ITPR2: variants seen among roughly 807,000 people sequenced by gnomAD.
ITPR2 encodes the protein inositol 1,4,5-trisphosphate-gated calcium channel ITPR2.
ITPR2 carries 207 observed loss-of-function variants against 317.1 expected under a neutral mutation model. The observed-to-expected ratio is 0.65, with a 90% confidence interval of 0.58 to 0.73. ITPR2 has a LOEUF of 0.73. ITPR2 is among the 30% of genes least tolerant of loss of function. The probability of loss-of-function intolerance (pLI) is 0.00; values close to 1 mark genes in which losing one functional copy is unlikely to be tolerated. For synonymous variants in ITPR2, 1,156 were observed against 1,149.1 expected, an observed-to-expected ratio of 1.01 and a Z score of -0.12; for missense variants, 2,613 against 3,284.0, an observed-to-expected ratio of 0.80 and a Z score of 4.99.
At chr12:26,378,277 ATGCAAAGAGCCAGAGGACCATGAC>A (rs541657739) in intron 55 of ITPR2, among the ~76,000 whole-genome samples, 267 of 152,172 alleles carry the variant, frequency 1.8e-3, no homozygotes, top group African/African-American at 2.6e-3. Context: ...AGGCACAGAC[ATGCAAAGAGCCAGAGGACCATGAC>A]TGCAAAGAGC....
chr12:26,373,401 G>A (rs1157040518), intron 55 of ITPR2, among the ~76,000 whole-genome samples: 1 of 152,158 alleles, frequency 6.6e-6, no homozygotes, highest in East Asian at 1.9e-4. Flanking sequence ...GTTGCCAAGA[G>A]AGTCAAAAGA....
chr12:26,623,348 T>G (rs1946544011), intron 24 of ITPR2: 1 of 152,086 alleles, frequency 6.6e-6, no homozygotes, highest in Non-Finnish European at 1.5e-5. Context: ...CATTAGTCAC[T>G]TAGTAGCCGT....
rs868280640 is a variant in ITPR2 at position 26,344,771 on chromosome 12, G to A, written c.7858-4443C>T. ...GTAAGCAAAATCCAGCACAATTCTC[G>A]TGCTTATGGAACATATAGTTCATAG... On this transcript the variant is annotated intron_variant, in intron 55 of 56. Coordinates refer to ENST00000381340, the MANE Select transcript of ITPR2 (RefSeq NM_002223.4). 2.0e-5 allele frequency among the ~76,000 whole-genome samples: 3 copies of A among 152,176 alleles called. No homozygotes were observed. In the South Asian group the frequency reaches 6.2e-4, roughly 31 times the overall value.
chr12:26,721,335 C>A, intron 5 of ITPR2: 1 of 616,232 alleles, frequency 1.6e-6, no homozygotes, highest in South Asian at 2.0e-5. Context: ...AATCCAGAAG[C>A]TTGCATCCTG....
intron 51 of ITPR2, among the ~76,000 whole-genome samples, chr12:26,412,847 G>T (rs1160015151): frequency 6.6e-6 from 1 of 152,148 alleles, no homozygotes; most frequent in Non-Finnish European, 1.5e-5. Flanking sequence ...AGAGCTACCA[G>T]CCACTACTTT....
At chr12:26,670,932 T>G (rs980078599) in intron 13 of ITPR2, among the ~76,000 whole-genome samples, 1 of 151,990 alleles carries the variant, frequency 6.6e-6, no homozygotes, top group Non-Finnish European at 1.5e-5. Flanking sequence ...TGCGATCAAC[T>G]GGAAGAAAGG....
At chr12:26,365,404 A>G (rs1044170277) in intron 55 of ITPR2, among the ~76,000 whole-genome samples, 6 of 151,998 alleles carry the variant, frequency 3.9e-5, no homozygotes, top group Non-Finnish European at 8.8e-5. Context: ...CTGAAACTGT[A>G]TTTTTTTCTC....
At chr12:26,589,853 T>TACACACACAC (rs56044866) in intron 32 of ITPR2, among the ~76,000 whole-genome samples, 34 of 57,306 alleles carry the variant, frequency 5.9e-4, no homozygotes, top group African/African-American at 1.5e-3. Flanking sequence ...TATATATATA[T>TACACACACAC]ACACACACAC....
intron 21 of ITPR2, among the ~76,000 whole-genome samples, chr12:26,644,800 C>T (rs1398951845): frequency 6.6e-6 from 1 of 152,162 alleles, no homozygotes; most frequent in Non-Finnish European, 1.5e-5. Context: ...ACCATATCAA[C>T]CATGATCTTG....
chr12:26,354,750 C>T (rs139696836), intron 55 of ITPR2, among the ~76,000 whole-genome samples: 15 of 152,208 alleles, frequency 9.9e-5, no homozygotes, highest in African/African-American at 3.1e-4. Context: ...CTCACTGCAA[C>T]CTCTGCCTCC....
chr12:26,815,749 G>A (rs1299384831), intron 1 of ITPR2, among the ~76,000 whole-genome samples: 2 of 152,028 alleles, frequency 1.3e-5, no homozygotes, highest in African/African-American at 2.4e-5. Flanking sequence ...ATAAATAATA[G>A]ATAAGGCAAT....
intron 34 of ITPR2, among the ~76,000 whole-genome samples, chr12:26,572,947 G>A (rs770391343): frequency 9.2e-5 from 14 of 151,576 alleles, no homozygotes; most frequent in Non-Finnish European, 5.9e-5. Context: ...AGGACTTTTG[G>A]GGCAACATGA....
intron 1 of ITPR2, among the ~76,000 whole-genome samples, chr12:26,793,356 T>A (rs1353290114): frequency 1.3e-5 from 2 of 152,032 alleles, no homozygotes; most frequent in African/African-American, 4.8e-5. Context: ...ATTTGGGGAG[T>A]TAAAAATAAT....
At position 26,599,316 on chromosome 12, in the gene ITPR2, G is replaced by T. The variant is rs1945935313; in HGVS notation, c.3831C>A (p.Ile1277=). 6.2e-7 allele frequency: 1 copy of T among 1,614,086 alleles called. No individual in the cohort carries two copies. The highest frequency in any genetic ancestry group is 8.5e-7 in the Non-Finnish European group (1 of 1,179,918). Residue 1277 remains isoleucine (I), a synonymous_variant, in exon 30 of 57, where the codon ATC becomes ATA. Coordinates refer to ENST00000381340, the MANE Select transcript of ITPR2 (RefSeq NM_002223.4). Reference sequence around the variant, plus strand: ...TGCACAGATGGTAATTGTTCATGAAGATGTGCCGCATGGTTTCTGCTTCAA... The same window carrying T: ...TGCACAGATGGTAATTGTTCATGAATATGTGCCGCATGGTTTCTGCTTCAA... The part of the protein sequence containing the change: ...GLLEAETMRH[I]FMNNYHLCNE...
intron 34 of ITPR2, among the ~76,000 whole-genome samples, chr12:26,577,297 T>A (rs1258119929): frequency 6.6e-6 from 1 of 152,160 alleles, no homozygotes; most frequent in Non-Finnish European, 1.5e-5. Context: ...CCAAGGGGGA[T>A]CCCAGCTCAT....
At chr12:26,488,946 C>T (rs913282729) in intron 39 of ITPR2, among the ~76,000 whole-genome samples, 12 of 151,976 alleles carry the variant, frequency 7.9e-5, no homozygotes, top group African/African-American at 2.7e-4. Context: ...GAGTGACTTG[C>T]CCAACATTAT....
chr12:26,775,933 C>CATATATATATATATATATATAT lies in ITPR2; in HGVS notation c.163+14223_163+14224insATATATATATATATATATATAT. Among the ~76,000 whole-genome samples, 86 of 85,444 alleles carry CATATATATATATATATATATAT rather than the reference C, an allele frequency of 1.0e-3. 6 individuals carry two copies. The highest frequency in any genetic ancestry group is 1.7e-3 in the African/African-American group (55 of 32,148). 56.1% of individuals were successfully genotyped at this position (85,444 alleles called of 152,430 possible). A position where few individuals can be genotyped will look rare whatever the true frequency, so the allele number is the denominator to read the frequency against. On this transcript the variant is annotated intron_variant, in intron 2 of 56. Coordinates refer to ENST00000381340, the MANE Select transcript of ITPR2 (RefSeq NM_002223.4). Reference sequence around the variant, plus strand: ...ATACCACTTAATAAACTCCCCTTTACATATATATATATATGTATATGTATA... The same window carrying CATATATATATATATATATATAT: ...ATACCACTTAATAAACTCCCCTTTACATATATATATATATATATATATATATATATATATATGTATATGTATA...
chr12:26,807,398 A>G (rs952752003), intron 1 of ITPR2, among the ~76,000 whole-genome samples: 2 of 152,166 alleles, frequency 1.3e-5, no homozygotes, highest in Admixed American at 1.3e-4. Flanking sequence ...CCCAGAATCA[A>G]CCTGCACTGA....
intron 9 of ITPR2, 80 bp downstream of exon 9, chr12:26,711,093 G>C: frequency 1.2e-6 from 1 of 858,252 alleles, no homozygotes. Context: ...CTGCAAATAC[G>C]ATGTCTTGTG....
Sources: gnomAD v4.1 joint callset for allele counts (sites outside exome capture counted in the v4.1 genomes callset) on GRCh38, gnomAD v4.1.1 for gene constraint, MANE v1.5 for transcripts, NCBI Gene and HGNC (gene_info 2026-07-23, HGNC 2026-07-21) for gene names.